Variants in KLRG1 observed in about 807,000 individuals in gnomAD.
KLRG1 encodes the protein killer cell lectin-like receptor subfamily G member 1.
KLRG1 carries 16 observed loss-of-function variants against 21.8 expected under a neutral mutation model. That is an observed-to-expected ratio of 0.73 (90% CI 0.50 to 1.11). The LOEUF is 1.11. Ranked by LOEUF, KLRG1 falls within the 50% of genes most tolerant of loss-of-function variation. The pLI, the probability that KLRG1 is intolerant of heterozygous loss-of-function variation, is 0.00. For synonymous variants in KLRG1, 69 were observed against 75.9 expected, an observed-to-expected ratio of 0.91 and a Z score of 0.47; for missense variants, 173 against 218.3, an observed-to-expected ratio of 0.79 and a Z score of 1.31.
the KLRG1 span, chr12:9,098,761 G>A: frequency 1.2e-6 from 2 of 1,612,124 alleles, no homozygotes; most frequent in East Asian, 2.2e-5. Context: ...ATCCACCTGT[G>A]AAATTGGAAC....
chr12:9,102,302 G>A, the KLRG1 span, among the ~76,000 whole-genome samples: 2 of 152,102 alleles, frequency 1.3e-5, no homozygotes, highest in African/African-American at 4.8e-5. Flanking sequence ...TGCAATCTCT[G>A]CCTCTGGGGC....
the KLRG1 span, among the ~76,000 whole-genome samples, chr12:9,139,904 G>A: frequency 2.6e-4 from 40 of 152,254 alleles, no homozygotes; most frequent in South Asian, 7.9e-3. Flanking sequence ...AGGGTTTTAG[G>A]GTAAGAGAGC....
intron 3 of KLRG1, 35 bp downstream of exon 3, chr12:8,995,323 GT>G (rs1470727042): frequency 6.4e-7 from 1 of 1,572,722 alleles, no homozygotes; most frequent in African/African-American, 1.4e-5. Context: ...TAGGGTTTTT[GT>G]TTTGTTTTTG....
chr12:9,156,557 C>T, the KLRG1 span, among the ~76,000 whole-genome samples: 7 of 152,152 alleles, frequency 4.6e-5, no homozygotes, highest in African/African-American at 1.7e-4. Context: ...AGCTGTTGTA[C>T]CTCTTTTCAT....
intron 3 of KLRG1, among the ~76,000 whole-genome samples, chr12:9,005,925 C>T (rs1487243649): frequency 6.6e-6 from 1 of 152,226 alleles, no homozygotes; most frequent in Admixed American, 6.5e-5. Context: ...AATGCTGGCC[C>T]GCCTAGCCGC....
At chr12:9,173,810 G>A in the KLRG1 span, among the ~76,000 whole-genome samples, 11 of 152,138 alleles carry the variant, frequency 7.2e-5, no homozygotes, top group Admixed American at 2.6e-4. Flanking sequence ...GACCAATAAC[G>A]AGTTCTGAAA....
At chr12:9,068,359 A>G in the KLRG1 span, 1 of 873,374 alleles carries the variant, frequency 1.1e-6, no homozygotes, top group Non-Finnish European at 1.8e-6. Flanking sequence ...CATAAGCATC[A>G]TTCATCTGAT....
chr12:9,114,454 T>C, the KLRG1 span, among the ~76,000 whole-genome samples: 8 of 152,276 alleles, frequency 5.3e-5, no homozygotes, highest in South Asian at 1.2e-3. Flanking sequence ...CTTTTACAAT[T>C]TTCTCATGAA....
the KLRG1 span, among the ~76,000 whole-genome samples, chr12:9,084,765 CAT>C: frequency 1.8e-4 from 27 of 152,050 alleles, no homozygotes; most frequent in East Asian, 5.2e-3. Context: ...AGGACCGAAA[CAT>C]ATGCTAATTA....
the KLRG1 span, among the ~76,000 whole-genome samples, chr12:9,096,367 T>G: frequency 4.6e-5 from 7 of 152,150 alleles, no homozygotes; most frequent in Admixed American, 3.9e-4. Flanking sequence ...GCACAAAGCT[T>G]TGAGATGATA....
At chr12:9,164,153 GTCC>G in the KLRG1 span, 8 of 1,611,560 alleles carry the variant, frequency 5.0e-6, no homozygotes, top group Non-Finnish European at 5.9e-6. Flanking sequence ...AGGAGTCACT[GTCC>G]AAGACAAGGT....
chr12:8,957,043 G>A (rs1471758220), intron 1 of KLRG1, among the ~76,000 whole-genome samples: 3 of 152,218 alleles, frequency 2.0e-5, no homozygotes, highest in African/African-American at 7.2e-5. Context: ...TCTTGAGCAG[G>A]GCCCCCCCGG....
At position 8,995,243 on chromosome 12, in the gene KLRG1, A is replaced by G; in HGVS notation, c.312A>G (p.Leu104=). 1 of 1,613,870 alleles carries G rather than the reference A, an allele frequency of 6.2e-7. No homozygotes were observed. Among genetic ancestry groups the G allele is most frequent in the South Asian group, 1.1e-5 (1 of 91,018 alleles). ...GGAATTCTAGTCTGGAATTCTGCCTAGCCAGAGACTCACACCTCCTTGTGA... is the reference window on the plus strand; with the variant it reads ...GGAATTCTAGTCTGGAATTCTGCCTGGCCAGAGACTCACACCTCCTTGTGA... ...KDWNSSLEFC[L]ARDSHLLVIT... Residue 104 remains leucine (L), a synonymous_variant, in exon 3 of 5, where the codon CTA becomes CTG. Coordinates refer to ENST00000356986, the MANE Select transcript of KLRG1 (RefSeq NM_005810.4).
At chr12:9,158,460 C>T in the KLRG1 span, 27 of 1,614,046 alleles carry the variant, frequency 1.7e-5, no homozygotes, top group East Asian at 5.3e-4. Context: ...GCTCCTGAAA[C>T]AGCCATTGTC....
At chr12:9,062,127 A>G in the KLRG1 span, among the ~76,000 whole-genome samples, 5 of 147,860 alleles carry the variant, frequency 3.4e-5, no homozygotes, top group Admixed American at 6.8e-5. Context: ...GATGGATAAT[A>G]TATCTGATAT....
chr12:9,126,485 T>G, the KLRG1 span, among the ~76,000 whole-genome samples: 4 of 152,216 alleles, frequency 2.6e-5, no homozygotes, highest in African/African-American at 9.7e-5. Context: ...AGGCTTAATT[T>G]TTTTCAGAAG....
At chr12:9,027,835 C>T in the KLRG1 span, 1 of 1,074,392 alleles carries the variant, frequency 9.3e-7, no homozygotes, top group South Asian at 1.2e-5. Flanking sequence ...AAGTTTTCTC[C>T]ACTACCAAAG....
chr12:9,115,536 T>TTC, the KLRG1 span: 4 of 429,418 alleles, frequency 9.3e-6, no homozygotes, highest in Non-Finnish European at 1.7e-5. Flanking sequence ...AGCTAAAAAT[T>TTC]TCTGACACCC....
chr12:9,033,557 G>A, the KLRG1 span, among the ~76,000 whole-genome samples: 1 of 152,202 alleles, frequency 6.6e-6, no homozygotes, highest in Admixed American at 6.5e-5. Context: ...GGCAGACAGA[G>A]TCTTACTCCT....
Sources: gnomAD v4.1 joint callset for allele counts (sites outside exome capture counted in the v4.1 genomes callset) on GRCh38, gnomAD v4.1.1 for gene constraint, MANE v1.5 for transcripts, NCBI Gene and HGNC (gene_info 2026-07-23, HGNC 2026-07-21) for gene names.